KLHL29: variants seen among roughly 807,000 people sequenced by gnomAD.
The protein encoded by KLHL29 is kelch like family member 29, also known as kelch-like protein 29.
KLHL29 carries 21 observed loss-of-function variants against 80.4 expected under a neutral mutation model. The observed-to-expected ratio is 0.26, with a 90% CI of 0.19 to 0.38. The LOEUF (loss-of-function observed/expected upper bound fraction) is 0.38. KLHL29 is among the 10% of genes least tolerant of loss of function. The pLI, the probability that KLHL29 is intolerant of heterozygous loss-of-function variation, is 1.00. For missense variants in KLHL29, 867 were observed against 1,223.9 expected, an observed-to-expected ratio of 0.71 and a Z score of 4.35; for synonymous variants, 511 against 526.8, an observed-to-expected ratio of 0.97 and a Z score of 0.41.
Position 23,642,360 on chromosome 2 carries a change from G to T in KLHL29, c.450G>T (p.Thr150=). 7.0e-7 allele frequency: 1 copy of T among 1,432,974 alleles called. No homozygotes were observed. Among genetic ancestry groups the T allele is most frequent in the Non-Finnish European group, 9.2e-7 (1 of 1,087,948 alleles). The allele number at this position is 1,432,974 out of a possible 1,614,324, so 88.8% of individuals were successfully genotyped here. Residue 150 remains threonine, a synonymous_variant, in exon 5 of 14, where the codon ACG becomes ACT. Coordinates refer to ENST00000486442, the MANE Select transcript of KLHL29 (RefSeq NM_052920.2). ...CAGGCACAGGGCCATGGGTGACCAC[G>T]GTGGCCGCCGGGAACCAGCCCACCC... is the stretch of plus-strand genomic sequence containing the variant. ...DNPGTGPWVT[T]VAAGNQPTLI...
chr2:23,571,804 G>T (rs1403655573), intron 3 of KLHL29, among the ~76,000 whole-genome samples: 1 of 152,028 alleles, frequency 6.6e-6, no homozygotes, highest in African/African-American at 2.4e-5. Flanking sequence ...CAGAGCCTTG[G>T]TACTGCTTTG....
intron 3 of KLHL29, among the ~76,000 whole-genome samples, chr2:23,584,246 C>G (rs1178763080): frequency 6.6e-6 from 1 of 152,208 alleles, no homozygotes; most frequent in Non-Finnish European, 1.5e-5. Context: ...CACTGTTTAC[C>G]CAGCTGTTGC....
At chr2:23,704,129 A>T (rs915842036) in intron 13 of KLHL29, among the ~76,000 whole-genome samples, 3 of 152,192 alleles carry the variant, frequency 2.0e-5, no homozygotes, top group African/African-American at 7.2e-5. Context: ...CATCAAGGCT[A>T]CCCTGCTCTC....
chr2:23,641,726 G>A (rs1197388711), intron 4 of KLHL29, among the ~76,000 whole-genome samples: 1 of 152,226 alleles, frequency 6.6e-6, no homozygotes, highest in East Asian at 1.9e-4. Context: ...GCTCATACCT[G>A]TGGTCCCAGC....
intron 3 of KLHL29, among the ~76,000 whole-genome samples, chr2:23,629,076 G>T (rs1393919017): frequency 1.3e-5 from 2 of 152,246 alleles, no homozygotes; most frequent in Admixed American, 1.3e-4. Context: ...AACAGGCAGG[G>T]CGGCGGGGCC....
At chr2:23,640,351 AC>A (rs1669734646) in intron 4 of KLHL29, among the ~76,000 whole-genome samples, 1 of 152,116 alleles carries the variant, frequency 6.6e-6, no homozygotes, top group African/African-American at 2.4e-5. Flanking sequence ...GGTCTCTTGT[AC>A]CCTTGGGCCA....
At chr2:23,415,082 A>G (rs946518177) in intron 1 of KLHL29, among the ~76,000 whole-genome samples, 8 of 152,256 alleles carry the variant, frequency 5.3e-5, no homozygotes, top group African/African-American at 1.9e-4. Context: ...CAGTTGGTCC[A>G]GAACAGCACC....
intron 1 of KLHL29, among the ~76,000 whole-genome samples, chr2:23,441,187 G>T (rs1403167075): frequency 6.6e-6 from 1 of 152,018 alleles, no homozygotes; most frequent in African/African-American, 2.4e-5. Flanking sequence ...TAGGGACATG[G>T]ATGAAATTGG....
At chr2:23,479,546 C>A (rs1664729657) in intron 2 of KLHL29, among the ~76,000 whole-genome samples, 1 of 152,106 alleles carries the variant, frequency 6.6e-6, no homozygotes, top group Non-Finnish European at 1.5e-5. Flanking sequence ...GTATCCCCAG[C>A]CCTCCCTCCA....
At chr2:23,654,166 C>CA (rs1188981068) in intron 5 of KLHL29, among the ~76,000 whole-genome samples, 3 of 150,222 alleles carry the variant, frequency 2.0e-5, no homozygotes, top group Non-Finnish European at 4.5e-5. Flanking sequence ...GACTCTGTCT[C>CA]AAAAAATAAA....
intron 3 of KLHL29, among the ~76,000 whole-genome samples, chr2:23,623,676 G>A (rs1225357636): frequency 6.6e-6 from 1 of 152,202 alleles, no homozygotes; most frequent in Non-Finnish European, 1.5e-5. Context: ...CTGGGGCTGT[G>A]TGGGTTTCTG....
chr2:23,570,652 C>A (rs1022650725), intron 3 of KLHL29, among the ~76,000 whole-genome samples: 10 of 152,210 alleles, frequency 6.6e-5, no homozygotes, highest in Non-Finnish European at 1.5e-4. Context: ...ACTCACATTC[C>A]ATGTTCTTAA....
chr2:23,574,315 A>C (rs992836760), intron 3 of KLHL29, among the ~76,000 whole-genome samples: 1 of 152,074 alleles, frequency 6.6e-6, no homozygotes, highest in Admixed American at 6.6e-5. Flanking sequence ...TGGAGTCAGG[A>C]GGTGGCGGTC....
At chr2:23,582,555 T>TA (rs1668013403) in intron 3 of KLHL29, among the ~76,000 whole-genome samples, 1 of 152,130 alleles carries the variant, frequency 6.6e-6, no homozygotes, top group Non-Finnish European at 1.5e-5. Flanking sequence ...TCCAGGAACT[T>TA]CACAAGATGC....
intron 1 of KLHL29, among the ~76,000 whole-genome samples, chr2:23,450,753 C>T (rs1405606995): frequency 1.3e-5 from 2 of 152,160 alleles, no homozygotes; most frequent in Admixed American, 1.3e-4. Context: ...ATAAATAGTT[C>T]ACATACCCTA....
chr2:23,638,341 A>G (rs975394395), intron 3 of KLHL29, among the ~76,000 whole-genome samples: 1 of 151,902 alleles, frequency 6.6e-6, no homozygotes, highest in Non-Finnish European at 1.5e-5. Flanking sequence ...TAGCTATATA[A>G]TATTCCATTA....
At chr2:23,612,348 A>T (rs1394190393) in intron 3 of KLHL29, among the ~76,000 whole-genome samples, 1 of 152,238 alleles carries the variant, frequency 6.6e-6, no homozygotes, top group African/African-American at 2.4e-5. Flanking sequence ...TGCTAAAAGA[A>T]ATTGCCAGCT....
At chr2:23,573,943 G>A (rs1208060628) in intron 3 of KLHL29, among the ~76,000 whole-genome samples, 2 of 152,110 alleles carry the variant, frequency 1.3e-5, no homozygotes. Flanking sequence ...GGGCAGTCAC[G>A]GCCATCAGGA....
intron 2 of KLHL29, among the ~76,000 whole-genome samples, chr2:23,488,209 T>C (rs1664985957): frequency 6.6e-6 from 1 of 152,332 alleles, no homozygotes; most frequent in East Asian, 1.9e-4. Context: ...GCTTTCAGGA[T>C]TGGGGAAAGA....
Sources: gnomAD v4.1 joint callset for allele counts (sites outside exome capture counted in the v4.1 genomes callset) on GRCh38, gnomAD v4.1.1 for gene constraint, MANE v1.5 for transcripts, NCBI Gene and HGNC (gene_info 2026-07-23, HGNC 2026-07-21) for gene names.